Variants in FNDC3A observed in about 807,000 individuals in gnomAD.
FNDC3A encodes the protein fibronectin type III domain containing 3A.
In FNDC3A, 32 loss-of-function variants were observed where a neutral mutation model predicts 148.9. That is an observed-to-expected ratio of 0.21 (90% CI 0.16 to 0.29). The LOEUF is 0.29. Ranked by LOEUF, FNDC3A falls within the 10% of genes least tolerant of loss-of-function variation. The pLI is 1.00. For synonymous variants in FNDC3A, 472 were observed against 473.6 expected, an observed-to-expected ratio of 1.00 and a Z score of 0.04; for missense variants, 1,191 against 1,452.8, an observed-to-expected ratio of 0.82 and a Z score of 2.93.
At chr13:49,001,178 C>T (rs866486918) in intron 1 of FNDC3A, among the ~76,000 whole-genome samples, 1 of 152,262 alleles carries the variant, frequency 6.6e-6, no homozygotes, top group African/African-American at 2.4e-5. Context: ...CAAATTAATA[C>T]TTTTATAATT....
chr13:49,032,263 A>C (rs985387318), intron 2 of FNDC3A, among the ~76,000 whole-genome samples: 2 of 150,658 alleles, frequency 1.3e-5, no homozygotes, highest in African/African-American at 4.8e-5. Flanking sequence ...GTGTTACCCT[A>C]TGACCCAGTA....
intron 2 of FNDC3A, among the ~76,000 whole-genome samples, chr13:49,069,522 T>C (rs1468216342): frequency 6.6e-6 from 1 of 152,224 alleles, no homozygotes; most frequent in East Asian, 1.9e-4. Context: ...TTTGCCCTTA[T>C]TCTTCTCTAG....
chr13:49,016,551 A>C (rs1411252290), intron 2 of FNDC3A, among the ~76,000 whole-genome samples: 2 of 152,126 alleles, frequency 1.3e-5, no homozygotes, highest in Non-Finnish European at 2.9e-5. Context: ...TCAAAAAACC[A>C]GCTCCTGGAT....
intron 16 of FNDC3A, chr13:49,187,558 A>G (rs1342487050): frequency 6.2e-7 from 1 of 1,610,914 alleles, no homozygotes; most frequent in East Asian, 2.2e-5. Context: ...CATCTTAGCT[A>G]GTAACGACCA....
intron 2 of FNDC3A, among the ~76,000 whole-genome samples, chr13:49,066,695 C>CTT (rs1025550865): frequency 2.0e-5 from 3 of 147,098 alleles, no homozygotes; most frequent in Admixed American, 1.4e-4. Context: ...TAACAACATT[C>CTT]TTTTTTTTTT....
chr13:49,075,212 A>G, intron 2 of FNDC3A, 77 bp from the exon 3 acceptor site: 1 of 820,462 alleles, frequency 1.2e-6, no homozygotes, highest in Middle Eastern at 2.6e-4. Context: ...AATAGCTTAT[A>G]TCTGCTCTGT....
At chr13:49,107,354 G>C (rs375217999) in intron 3 of FNDC3A, among the ~76,000 whole-genome samples, 4 of 152,006 alleles carry the variant, frequency 2.6e-5, no homozygotes, top group African/African-American at 7.3e-5. Flanking sequence ...GGTATGATGG[G>C]GCAGAAAAAA....
intron 3 of FNDC3A, among the ~76,000 whole-genome samples, chr13:49,100,928 G>A (rs1014987109): frequency 2.0e-5 from 3 of 152,084 alleles, no homozygotes; most frequent in African/African-American, 7.2e-5. Context: ...CTATTAGCAT[G>A]TATAATGTAA....
At chr13:49,163,789 T>C (rs1884305402) in intron 8 of FNDC3A, among the ~76,000 whole-genome samples, 1 of 152,234 alleles carries the variant, frequency 6.6e-6, no homozygotes, top group Non-Finnish European at 1.5e-5. Flanking sequence ...GTAGAAAGTT[T>C]AATCCATTTA....
At chr13:49,014,714 G>T in intron 2 of FNDC3A, among the ~76,000 whole-genome samples, 1 of 132,046 alleles carries the variant, frequency 7.6e-6, no homozygotes, top group Non-Finnish European at 1.6e-5. Flanking sequence ...TTTTCTTCTA[G>T]GGTTTTTATG....
intron 8 of FNDC3A, among the ~76,000 whole-genome samples, chr13:49,158,360 T>G (rs975021173): frequency 2.2e-4 from 34 of 152,242 alleles, no homozygotes; most frequent in African/African-American, 8.0e-4. Flanking sequence ...AGTGAGGCAA[T>G]GCCTCGCCCT....
intron 1 of FNDC3A, among the ~76,000 whole-genome samples, chr13:48,978,646 GT>G (rs1204180122): frequency 1.3e-5 from 2 of 150,900 alleles, no homozygotes; most frequent in Non-Finnish European, 3.0e-5. Context: ...AGTGTTTCTG[GT>G]TTTTTTTTGT....
At chr13:49,039,248 A>G (rs1324675237) in intron 2 of FNDC3A, among the ~76,000 whole-genome samples, 5 of 152,242 alleles carry the variant, frequency 3.3e-5, no homozygotes, top group Admixed American at 3.3e-4. Flanking sequence ...AATCTTTTCT[A>G]TAATACCAAT....
At chr13:49,069,331 A>G (rs1433585261) in intron 2 of FNDC3A, among the ~76,000 whole-genome samples, 2 of 152,004 alleles carry the variant, frequency 1.3e-5, no homozygotes, top group African/African-American at 4.8e-5. Flanking sequence ...CTTAAATAAA[A>G]CTCTTCATTG....
chr13:49,135,135 G>A (rs1882280531), intron 5 of FNDC3A, among the ~76,000 whole-genome samples: 2 of 152,086 alleles, frequency 1.3e-5, no homozygotes, highest in South Asian at 4.1e-4. Flanking sequence ...GATTACAGGC[G>A]TGAGCCACTG....
At chr13:49,162,958 A>G (rs1414075025) in intron 8 of FNDC3A, among the ~76,000 whole-genome samples, 1 of 152,148 alleles carries the variant, frequency 6.6e-6, no homozygotes, top group Non-Finnish European at 1.5e-5. Flanking sequence ...AACAGCAAAT[A>G]TTGCAGAACA....
At chr13:49,172,728 G>A (rs1219019024) in intron 11 of FNDC3A, among the ~76,000 whole-genome samples, 3 of 152,028 alleles carry the variant, frequency 2.0e-5, no homozygotes, top group South Asian at 4.1e-4. Flanking sequence ...CTCCTATCTC[G>A]AGATTCTTAG....
At chr13:49,029,890 C>T (rs1039082414) in intron 2 of FNDC3A, among the ~76,000 whole-genome samples, 5 of 152,056 alleles carry the variant, frequency 3.3e-5, no homozygotes, top group Non-Finnish European at 7.4e-5. Context: ...AGACACAAAA[C>T]AACCAAAACC....
At chr13:49,134,357 G>A (rs1882207794) in intron 5 of FNDC3A, among the ~76,000 whole-genome samples, 1 of 151,946 alleles carries the variant, frequency 6.6e-6, no homozygotes, top group Non-Finnish European at 1.5e-5. Context: ...CAAAGTTCAT[G>A]TTCTCACATA....
Sources: gnomAD v4.1 joint callset for allele counts (sites outside exome capture counted in the v4.1 genomes callset) on GRCh38, gnomAD v4.1.1 for gene constraint, MANE v1.5 for transcripts, NCBI Gene and HGNC (gene_info 2026-07-23, HGNC 2026-07-21) for gene names.